Variants in FAF1 observed in about 807,000 individuals in gnomAD.
FAF1 encodes FAS-associated factor 1.
A neutral mutation model predicts 92.5 loss-of-function variants in FAF1; 25 were observed. The ratio of observed to expected loss-of-function variants is 0.27; its 90% CI spans 0.20 to 0.38. FAF1 has a LOEUF of 0.38. FAF1 is among the 10% of genes least tolerant of loss of function. The pLI is 1.00. For synonymous variants in FAF1, 234 were observed against 273.2 expected, an observed-to-expected ratio of 0.86 and a Z score of 1.42; for missense variants, 636 against 793.3, an observed-to-expected ratio of 0.80 and a Z score of 2.38.
chr1:50,708,334 A>G (rs1441297403), intron 6 of FAF1, among the ~76,000 whole-genome samples: 1 of 152,132 alleles, frequency 6.6e-6, no homozygotes, highest in African/African-American at 2.4e-5. Flanking sequence ...AAGTCAGACC[A>G]CTTACTGATG....
intron 5 of FAF1, among the ~76,000 whole-genome samples, chr1:50,739,386 ATGTG>A (rs888416915): frequency 7.9e-6 from 1 of 126,420 alleles, no homozygotes; most frequent in Non-Finnish European, 1.7e-5. Flanking sequence ...ATATACATAT[ATGTG>A]TGTTTATGTG....
At chr1:50,766,219 T>C (rs1048911677) in intron 4 of FAF1, among the ~76,000 whole-genome samples, 1 of 152,280 alleles carries the variant, frequency 6.6e-6, no homozygotes, top group African/African-American at 2.4e-5. Flanking sequence ...CAAGCACAAT[T>C]ATCAAAAGCA....
chr1:50,717,811 G>A (rs1658238207), intron 6 of FAF1, among the ~76,000 whole-genome samples: 1 of 152,062 alleles, frequency 6.6e-6, no homozygotes, highest in Non-Finnish European at 1.5e-5. Flanking sequence ...AAACCAGCCT[G>A]CGCAACATAG....
intron 1 of FAF1, among the ~76,000 whole-genome samples, chr1:50,925,732 T>C (rs1350129390): frequency 6.6e-6 from 1 of 152,200 alleles, no homozygotes; most frequent in Non-Finnish European, 1.5e-5. Flanking sequence ...GATACAGCAA[T>C]CACACTACTG....
In FAF1 at chr1:50,621,405, T is replaced by TC. The variant is rs1298170288; in HGVS notation, c.745-25190_745-25189insG. 6.6e-5 allele frequency among the ~76,000 whole-genome samples: 9 copies of TC among 136,996 alleles called. No individual in the cohort carries two copies. The East Asian group carries it at 1.3e-3, about 19-fold the overall frequency. The allele number at this position is 136,996 out of a possible 152,430, so 89.9% of individuals were successfully genotyped here. A position where few individuals can be genotyped will look rare whatever the true frequency, so the allele number is the denominator to read the frequency against. On this transcript the variant is annotated intron_variant, in intron 8 of 18. Coordinates refer to ENST00000396153, the MANE Select transcript of FAF1 (RefSeq NM_007051.3). Reference sequence around the variant, plus strand: ...TTTCTTTTTTTCTTTTTTTTTTTTTTTTTTTTTTTTTTGAGATGGAGTCTC... The same window carrying TC: ...TTTCTTTTTTTCTTTTTTTTTTTTTTCTTTTTTTTTTTTGAGATGGAGTCTC...
intron 17 of FAF1, among the ~76,000 whole-genome samples, chr1:50,483,210 T>A (rs2149003574): frequency 6.6e-6 from 1 of 150,812 alleles, no homozygotes; most frequent in South Asian, 2.1e-4. Context: ...TATGGGATTT[T>A]TTTTGGATAT....
chr1:50,705,390 G>C (rs914460007), intron 7 of FAF1, among the ~76,000 whole-genome samples: 2 of 152,158 alleles, frequency 1.3e-5, no homozygotes, highest in African/African-American at 4.8e-5. Context: ...ATTCCTTTTA[G>C]AAACAGGCAG....
At chr1:50,946,554 G>A (rs74727214) in intron 1 of FAF1, among the ~76,000 whole-genome samples, 1,853 of 152,276 alleles carry the variant, frequency 0.012, 21 homozygotes, top group African/African-American at 0.042. Context: ...AATGTCACGT[G>A]TCTGTCAACA....
chr1:50,699,320 A>C (rs1328582466), intron 7 of FAF1, among the ~76,000 whole-genome samples: 1 of 152,118 alleles, frequency 6.6e-6, no homozygotes, highest in Non-Finnish European at 1.5e-5. Context: ...AGGATAAGGA[A>C]TAACTATAAA....
chr1:50,571,625 G>A (rs1650444163), intron 12 of FAF1, among the ~76,000 whole-genome samples: 1 of 152,168 alleles, frequency 6.6e-6, no homozygotes, highest in Admixed American at 6.6e-5. Context: ...AATAGTGTCT[G>A]GGATGCTTAT....
At chr1:50,868,496 G>C (rs1180100216) in intron 1 of FAF1, among the ~76,000 whole-genome samples, 1 of 151,960 alleles carries the variant, frequency 6.6e-6, no homozygotes, top group East Asian at 1.9e-4. Flanking sequence ...TGGAAGTATA[G>C]AGCAATGATT....
chr1:50,827,658 A>G (rs1246902938), intron 2 of FAF1, among the ~76,000 whole-genome samples: 4 of 152,186 alleles, frequency 2.6e-5, no homozygotes, highest in Non-Finnish European at 5.9e-5. Flanking sequence ...AAATAAATAA[A>G]TAAATTCCAG....
chr1:50,462,414 G>C (rs1646443866), intron 18 of FAF1: 1 of 152,090 alleles, frequency 6.6e-6, no homozygotes, highest in South Asian at 2.1e-4. Context: ...TCTTGATTCA[G>C]TCTACAATGC....
intron 6 of FAF1, among the ~76,000 whole-genome samples, chr1:50,720,872 T>C (rs1414558283): frequency 6.6e-6 from 1 of 152,178 alleles, no homozygotes; most frequent in African/African-American, 2.4e-5. Context: ...TTTCCTCTCC[T>C]TACCCTCTCA....
intron 9 of FAF1, among the ~76,000 whole-genome samples, chr1:50,587,712 G>A (rs532603278): frequency 3.9e-5 from 6 of 152,158 alleles, no homozygotes; most frequent in South Asian, 2.1e-4. Context: ...TAAGTGCTAC[G>A]CTGTTTGGAC....
chr1:50,630,828 CT>C (rs1052085908), intron 8 of FAF1, among the ~76,000 whole-genome samples: 1,869 of 102,392 alleles, frequency 0.018, 18 homozygotes, highest in African/African-American at 0.037. Flanking sequence ...TGTATCATAT[CT>C]TTTTTTTTTT....
intron 13 of FAF1, among the ~76,000 whole-genome samples, chr1:50,549,255 G>A (rs568399102): frequency 6.6e-6 from 1 of 152,034 alleles, no homozygotes; most frequent in African/African-American, 2.4e-5. Context: ...TATATTTAAC[G>A]TTGTCATGTT....
chr1:50,626,896 A>T (rs1334247152), intron 8 of FAF1, among the ~76,000 whole-genome samples: 1 of 152,166 alleles, frequency 6.6e-6, no homozygotes. Flanking sequence ...GCTAAAATGG[A>T]CAGGAATTGA....
chr1:50,819,741 A>ACGTG (rs1491441530), intron 2 of FAF1, among the ~76,000 whole-genome samples: 2 of 17,054 alleles, frequency 1.2e-4, no homozygotes, highest in African/African-American at 4.0e-4. Flanking sequence ...ATATATATAC[A>ACGTG]TATATATATA....
Sources: allele counts gnomAD v4.1 joint callset (sites outside exome capture counted in the v4.1 genomes callset), GRCh38; gene constraint gnomAD v4.1.1; transcripts MANE v1.5; gene names NCBI Gene and HGNC (gene_info 2026-07-23, HGNC 2026-07-21).